Variants in KCNQ1 observed in about 807,000 individuals in gnomAD.
KCNQ1 encodes potassium voltage-gated channel subfamily Q member 1, also known as potassium voltage-gated channel subfamily KQT member 1.
A neutral mutation model predicts 72.4 loss-of-function variants in KCNQ1; 49 were observed. The ratio of observed to expected loss-of-function variants is 0.68; its 90% CI spans 0.54 to 0.86. KCNQ1 has a LOEUF of 0.86. Ranked by LOEUF, KCNQ1 falls within the 40% of genes least tolerant of loss-of-function variation. KCNQ1 has a pLI of 0.00. For missense variants in KCNQ1, 790 were observed against 945.1 expected, an observed-to-expected ratio of 0.84 and a Z score of 2.15; for synonymous variants, 450 against 412.6, an observed-to-expected ratio of 1.09 and a Z score of -1.10.
Position 2,537,799 on chromosome 11 carries a change from G to A in KCNQ1, c.477+9781G>A, listed in dbSNP as rs1020485204. 7.9e-5 allele frequency among the ~76,000 whole-genome samples: 12 copies of A among 152,074 alleles called. No individual in the cohort carries two copies. The highest frequency in any genetic ancestry group is 7.2e-4 in the Admixed American group (11 of 15,246). On this transcript the variant is annotated intron_variant, in intron 2 of 15. Transcript: ENST00000155840. The surrounding 1 kb of genome is among the most constrained non-coding windows in gnomAD (Gnocchi z 5.2). ...AGTGGCATACTCACGGCTCACTGCA[G>A]CCTCGGCCTCCTGGCCTCAAGTGTT... is the stretch of plus-strand genomic sequence containing the variant.
Position 2,661,380 on chromosome 11 carries a change from G to A in KCNQ1, c.1394-581G>A, listed in dbSNP as rs777171609. The A allele has an allele frequency of 6.6e-5, 27 of 407,878 alleles. No individual in the cohort carries two copies. The highest frequency in any genetic ancestry group is 1.0e-4 in the Non-Finnish European group (24 of 231,076). 25.3% of individuals were successfully genotyped at this position (407,878 alleles called of 1,614,324 possible). On this transcript the variant is annotated intron_variant, in intron 10 of 15. Coordinates refer to ENST00000155840, the MANE Select transcript of KCNQ1 (RefSeq NM_000218.3). This position sits in a 1 kb window ranked among gnomAD's most constrained non-coding sequence, Gnocchi z 5.9. Reference sequence around the variant, plus strand: ...CAGAGGTGGGCCCAGGAATCATAATGTGAAGCCAGCTGTTGGAGGGACTCC... The same window carrying A: ...CAGAGGTGGGCCCAGGAATCATAATATGAAGCCAGCTGTTGGAGGGACTCC...
intron 11 of KCNQ1, chr11:2,685,461 G>T (rs1292331646): frequency 7.5e-6 from 3 of 398,644 alleles, no homozygotes; most frequent in Admixed American, 4.4e-5. Flanking sequence ...CAGAAGCCCA[G>T]TGCAACTCCC....
rs1850325507 is a variant in KCNQ1 at position 2,678,125 on chromosome 11, T to C, written c.1514+16044T>C. 2 of 398,306 alleles carry C rather than the reference T, an allele frequency of 5.0e-6. No homozygotes were observed. Among genetic ancestry groups the C allele is most frequent in the South Asian group, 2.5e-4 (2 of 7,868 alleles). 24.7% of individuals were successfully genotyped at this position (398,306 alleles called of 1,614,324 possible). On this transcript the variant is annotated intron_variant, in intron 11 of 15. Transcript: ENST00000155840. The surrounding 1 kb of genome is among the most constrained non-coding windows in gnomAD (Gnocchi z 4.9). The stretch of plus-strand genomic sequence containing the variant: ...TGCTTTGTCATATTCATTGAAAATA[T>C]TTTATCCTCATTTTCCTTAGGTGTT...
At chr11:2,533,492 G>A (rs1381485307) in intron 2 of KCNQ1, among the ~76,000 whole-genome samples, 3 of 152,240 alleles carry the variant, frequency 2.0e-5, no homozygotes, top group African/African-American at 4.8e-5. Flanking sequence ...ACGTGTGTAC[G>A]TACGTGCATG....
intron 1 of KCNQ1, among the ~76,000 whole-genome samples, chr11:2,470,453 T>C (rs1379585710): frequency 6.6e-6 from 1 of 152,156 alleles, no homozygotes; most frequent in Non-Finnish European, 1.5e-5. Flanking sequence ...TGGAAGCGTA[T>C]ATCCCAGGGA....
chr11:2,843,147 A>G (rs997377803), intron 15 of KCNQ1, among the ~76,000 whole-genome samples: 1 of 152,254 alleles, frequency 6.6e-6, no homozygotes, highest in African/African-American at 2.4e-5. Context: ...TGGCGGTAAA[A>G]CCTCAGCAGC....
intron 10 of KCNQ1, chr11:2,633,449 C>G (rs1414846840): frequency 2.5e-6 from 1 of 398,400 alleles, no homozygotes; most frequent in Non-Finnish European, 4.4e-6. Context: ...CTTCGCTAGA[C>G]CCATATCCTG....
rs1846599731 is a variant in KCNQ1 at position 2,478,148 on chromosome 11, G to C, written c.386+32664G>C. Among the ~76,000 whole-genome samples the C allele has an allele frequency of 1.3e-5, 2 of 151,696 alleles. No homozygotes were observed. The highest frequency in any genetic ancestry group is 4.2e-4 in the South Asian group (2 of 4,788). Reference sequence around the variant, plus strand: ...TCCTGCCAAAGACACAGCTGTCCAGGGTCGAATCATCCGGAGACACAGGGC... The same window carrying C: ...TCCTGCCAAAGACACAGCTGTCCAGCGTCGAATCATCCGGAGACACAGGGC... On this transcript the variant is annotated intron_variant, in intron 1 of 15. Coordinates refer to ENST00000155840, the MANE Select transcript of KCNQ1 (RefSeq NM_000218.3). This position sits in a 1 kb window ranked among gnomAD's most constrained non-coding sequence, Gnocchi z 4.0.
rs1036773857 is a variant in KCNQ1 at position 2,641,368 on chromosome 11, T to C, written c.1394-20593T>C. On this transcript the variant is annotated intron_variant, in intron 10 of 15. Transcript: ENST00000155840. Reference sequence around the variant, plus strand: ...ATTCTCACTATGGTTTTGGCTTGCATTTCCCTTATAATTACTGATGTTGGG... The same window carrying C: ...ATTCTCACTATGGTTTTGGCTTGCACTTCCCTTATAATTACTGATGTTGGG... The C allele has an allele frequency of 2.5e-5, 10 of 398,456 alleles. No individual in the cohort carries two copies. The Admixed American group carries it at 3.1e-4, about 12-fold the overall frequency. The allele number at this position is 398,456 out of a possible 1,614,324, so 24.7% of individuals were successfully genotyped here. A position where few individuals can be genotyped will look rare whatever the true frequency, so the allele number is the denominator to read the frequency against.
rs199473399 is a variant in KCNQ1, at chr11:2,570,710, T to C, written c.560T>C (p.Leu187Pro). Residue 187 changes from leucine (L) to proline (P), a missense_variant, in exon 3 of 16, where the codon CTC becomes CCC. This residue lies in a region of KCNQ1 where 294 missense variants were observed against 323.3 expected (regional missense o/e 0.91). Coordinates refer to ENST00000155840, the MANE Select transcript of KCNQ1 (RefSeq NM_000218.3). ...SAGCRSKYVG[L>P]WGRLRFARKP... ...GGCTGCCGCAGCAAGTACGTGGGCC[T>C]CTGGGGGCGGCTGCGCTTTGCCCGG... The C allele has an allele frequency of 6.2e-7, 1 of 1,612,500 alleles. No individual in the cohort carries two copies. The highest frequency in any genetic ancestry group is 8.5e-7 in the Non-Finnish European group (1 of 1,180,004).
intron 10 of KCNQ1, among the ~76,000 whole-genome samples, chr11:2,597,497 A>G (rs1848748941): frequency 6.6e-6 from 1 of 152,148 alleles, no homozygotes; most frequent in South Asian, 2.1e-4. Context: ...GTGAAGCTTC[A>G]CTCTCATCAC....
chr11:2,588,351 G>A lies in KCNQ1; in HGVS notation c.1252-362G>A, dbSNP rs928183777. On this transcript the variant is annotated intron_variant, in intron 9 of 15. Coordinates refer to ENST00000155840, the MANE Select transcript of KCNQ1 (RefSeq NM_000218.3). The surrounding 1 kb of genome is among the most constrained non-coding windows in gnomAD (Gnocchi z 5.6). Reference sequence around the variant, plus strand: ...CACAGCCTGCTCCCTCACTTCAGGCGCCCTCTTCATGCCCTGCTGGCCCCC... The same window carrying A: ...CACAGCCTGCTCCCTCACTTCAGGCACCCTCTTCATGCCCTGCTGGCCCCC... Among the ~76,000 whole-genome samples, 1 of 152,092 alleles carries A rather than the reference G, an allele frequency of 6.6e-6. No homozygotes were observed. Among genetic ancestry groups the A allele is most frequent in the Admixed American group, 6.5e-5 (1 of 15,274 alleles).
At chr11:2,778,254 G>A (rs1846748615) in intron 15 of KCNQ1, among the ~76,000 whole-genome samples, 1 of 152,250 alleles carries the variant, frequency 6.6e-6, no homozygotes, top group Non-Finnish European at 1.5e-5. Context: ...GGCCAGGCTG[G>A]TTTCTCATCC....
At chr11:2,472,363 T>C (rs59809566) in intron 1 of KCNQ1, among the ~76,000 whole-genome samples, 84,342 of 151,380 alleles carry the variant, frequency 0.56, 24,540 homozygotes, top group Non-Finnish European at 0.64. Flanking sequence ...GGTGTGTGTG[T>C]ACCTATGTCT....
intron 15 of KCNQ1, among the ~76,000 whole-genome samples, chr11:2,825,052 A>G (rs1368044477): frequency 6.6e-6 from 1 of 152,214 alleles, no homozygotes; most frequent in Non-Finnish European, 1.5e-5. Flanking sequence ...TGGTCTGCAC[A>G]TGTGGCTGGT....
At chr11:2,610,659 CT>C in intron 10 of KCNQ1, 1 of 363,876 alleles carries the variant, frequency 2.7e-6, no homozygotes, top group East Asian at 3.9e-5. Context: ...TCTGGGAATG[CT>C]TTTATTTTGC....
At chr11:2,812,302 C>T (rs898696437) in intron 15 of KCNQ1, among the ~76,000 whole-genome samples, 5 of 152,140 alleles carry the variant, frequency 3.3e-5, no homozygotes, top group African/African-American at 1.2e-4. Context: ...TTCCTTCTTT[C>T]CCCCTTCCCT....
rs1847750298 is a variant in KCNQ1, at chr11:2,537,366, G to C, written c.477+9348G>C. Among the ~76,000 whole-genome samples the C allele has an allele frequency of 6.6e-6, 1 of 152,108 alleles. No individual in the cohort carries two copies. Among genetic ancestry groups the C allele is most frequent in the Non-Finnish European group, 1.5e-5 (1 of 68,048 alleles). On this transcript the variant is annotated intron_variant, in intron 2 of 15. Coordinates refer to ENST00000155840, the MANE Select transcript of KCNQ1 (RefSeq NM_000218.3). This position sits in a 1 kb window ranked among gnomAD's most constrained non-coding sequence, Gnocchi z 5.2. ...GTTTGCCACGCTATTTATTTAGCAG[G>C]ATAATTTTGGAAAGAGCAGTTGCTA... is the stretch of plus-strand genomic sequence containing the variant.
At chr11:2,737,931 G>A (rs1232572481) in intron 11 of KCNQ1, among the ~76,000 whole-genome samples, 1 of 152,092 alleles carries the variant, frequency 6.6e-6, no homozygotes, top group Non-Finnish European at 1.5e-5. Flanking sequence ...AGGCACACCT[G>A]GGGGCACAGA....
Sources: gnomAD v4.1 joint callset for allele counts (sites outside exome capture counted in the v4.1 genomes callset) on GRCh38, gnomAD v4.1.1 for gene constraint, gnomAD v4.1.1 regional missense constraint, Gnocchi (gnomAD v3.1) non-coding constraint, MANE v1.5 for transcripts, NCBI Gene and HGNC (gene_info 2026-07-23, HGNC 2026-07-21) for gene names.